IQUB: variants seen among roughly 807,000 people sequenced by gnomAD.
The protein encoded by IQUB is IQ motif and ubiquitin-like domain-containing protein.
A neutral mutation model predicts 86.4 loss-of-function variants in IQUB; 86 were observed. The observed-to-expected ratio is 1.00, with a 90% confidence interval of 0.84 to 1.19. The LOEUF (loss-of-function observed/expected upper bound fraction) is 1.19. Among genes scored for constraint, IQUB ranks in the 50% most tolerant of loss-of-function variants. IQUB has a pLI of 0.00. For missense variants in IQUB, 946 were observed against 916.9 expected, an observed-to-expected ratio of 1.03 and a Z score of -0.41; for synonymous variants, 289 against 304.5, an observed-to-expected ratio of 0.95 and a Z score of 0.53.
At chr7:123,506,956 C>T (rs1337962694) in intron 3 of IQUB, among the ~76,000 whole-genome samples, 2 of 152,118 alleles carry the variant, frequency 1.3e-5, no homozygotes, top group African/African-American at 4.8e-5. Context: ...CAGAAATTGA[C>T]TAATTTTCTT....
chr7:123,510,341 T>C (rs1796363652), intron 2 of IQUB, among the ~76,000 whole-genome samples: 1 of 152,056 alleles, frequency 6.6e-6, no homozygotes, highest in Non-Finnish European at 1.5e-5. Flanking sequence ...AATCACGCAT[T>C]TTTGCATAGT....
intron 9 of IQUB, among the ~76,000 whole-genome samples, chr7:123,466,163 T>C (rs1794252337): frequency 6.6e-6 from 1 of 152,130 alleles, no homozygotes; most frequent in Non-Finnish European, 1.5e-5. Flanking sequence ...TTCATAAATA[T>C]TAACTTATTT....
At chr7:123,482,286 G>A (rs146065694) in intron 7 of IQUB, among the ~76,000 whole-genome samples, 2,543 of 151,868 alleles carry the variant, frequency 0.017, 76 homozygotes, top group African/African-American at 0.058. Flanking sequence ...ACAGAGCCAA[G>A]TAAAAAAAAT....
chr7:123,512,290 T>G lies in IQUB; in HGVS notation c.51A>C (p.Thr17=). ...TATCAAAAGCATCATCACTCTCTTCTGTTGAATTGACTATATTCTGAGCTT... is the reference window on the plus strand; with the variant it reads ...TATCAAAAGCATCATCACTCTCTTCGGTTGAATTGACTATATTCTGAGCTT... ...KYEAQNIVNS[T]EESDDAFDTV... is the part of the protein sequence containing the mutation. Residue 17 remains threonine, a synonymous_variant, in exon 2 of 13, where the codon ACA becomes ACC. Coordinates refer to ENST00000324698, the MANE Select transcript of IQUB (RefSeq NM_178827.5). 6.2e-7 allele frequency: 1 copy of G among 1,608,730 alleles called. No individual in the cohort carries two copies. Among genetic ancestry groups the G allele is most frequent in the Non-Finnish European group, 8.5e-7 (1 of 1,175,722 alleles).
At position 123,455,413 on chromosome 7, in the gene IQUB, T is replaced by C. The variant is rs545153594; in HGVS notation, c.2193+1968A>G. On this transcript the variant is annotated intron_variant, in intron 12 of 12. Coordinates refer to ENST00000324698, the MANE Select transcript of IQUB (RefSeq NM_178827.5). ...TGAGACCTTTACTTTCTACATTACA[T>C]TTTTTATTCTGTTCAGATTCTAAGC... 5.1e-4 allele frequency among the ~76,000 whole-genome samples: 78 copies of C among 152,272 alleles called. No individual in the cohort carries two copies. In the South Asian group the frequency reaches 8.7e-3, roughly 17 times the overall value.
At chr7:123,493,180 C>G (rs1352494806) in intron 7 of IQUB, among the ~76,000 whole-genome samples, 1 of 152,084 alleles carries the variant, frequency 6.6e-6, no homozygotes, top group Admixed American at 6.6e-5. Flanking sequence ...TCCTCGTTGT[C>G]CCCCAAACAC....
At chr7:123,523,862 T>A (rs1447146298) in intron 1 of IQUB, among the ~76,000 whole-genome samples, 1 of 152,196 alleles carries the variant, frequency 6.6e-6, no homozygotes, top group Non-Finnish European at 1.5e-5. Context: ...CTTTAATCCA[T>A]CTTGAATTGA....
intron 1 of IQUB, among the ~76,000 whole-genome samples, chr7:123,526,255 T>C (rs1324980883): frequency 1.3e-4 from 20 of 152,268 alleles, no homozygotes; most frequent in African/African-American, 3.8e-4. Context: ...CCTGGGTATC[T>C]TTGTTGACTT....
intron 10 of IQUB, among the ~76,000 whole-genome samples, chr7:123,463,002 A>G (rs1381476329): frequency 1.3e-5 from 2 of 151,692 alleles, no homozygotes; most frequent in Non-Finnish European, 3.0e-5. Flanking sequence ...TATGCAAACT[A>G]AAAATGTGCA....
intron 6 of IQUB, among the ~76,000 whole-genome samples, chr7:123,497,899 T>C (rs2117176861): frequency 6.6e-6 from 1 of 151,758 alleles, no homozygotes; most frequent in East Asian, 1.9e-4. Flanking sequence ...CAAGGGGCTC[T>C]AGGACTGCTC....
chr7:123,467,607 G>A (rs775080159), intron 9 of IQUB, among the ~76,000 whole-genome samples: 3 of 152,028 alleles, frequency 2.0e-5, no homozygotes, highest in Non-Finnish European at 4.4e-5. Flanking sequence ...GGATCTACTG[G>A]GCCACCCAGC....
intron 1 of IQUB, among the ~76,000 whole-genome samples, chr7:123,525,366 C>A (rs1009119751): frequency 1.3e-5 from 2 of 152,122 alleles, no homozygotes; most frequent in Non-Finnish European, 2.9e-5. Flanking sequence ...TTGATTATTG[C>A]CACAATTTCA....
intron 8 of IQUB, among the ~76,000 whole-genome samples, chr7:123,477,885 C>A (rs1794817763): frequency 6.6e-6 from 1 of 152,140 alleles, no homozygotes. Context: ...ATCAAAACCA[C>A]AATGAGATAC....
At position 123,462,823 on chromosome 7, in the gene IQUB, C is replaced by T. The variant is rs764726640; in HGVS notation, c.1759-1218G>A. On this transcript the variant is annotated intron_variant, in intron 10 of 12. Transcript: ENST00000324698. ...TACTATAATGCCATGGAAAGATATTCTCCACCCATCTGAAATTGTGCAAGA... is the reference window on the plus strand; with the variant it reads ...TACTATAATGCCATGGAAAGATATTTTCCACCCATCTGAAATTGTGCAAGA... 6.4e-5 allele frequency: 29 copies of T among 455,190 alleles called. 2 individuals carry two copies. Among genetic ancestry groups the T allele is most frequent in the South Asian group, 4.5e-4 (29 of 64,402 alleles). 28.2% of individuals were successfully genotyped at this position (455,190 alleles called of 1,614,324 possible).
rs11763347 is a variant in IQUB, at chr7:123,479,651, A to G, written c.1410+144T>C. On this transcript the variant is annotated intron_variant, in intron 8 of 12. Transcript: ENST00000324698. ...ATCTAAAGCTATACCAGAAAAAAAT[A>G]AATCAAATTTTAAGAAATATGTCAT... 5,542 of 640,824 alleles carry G rather than the reference A, an allele frequency of 8.6e-3. 43 individuals carry two copies. The highest frequency in any genetic ancestry group is 0.012 in the Non-Finnish European group (4,640 of 387,896). The allele number at this position is 640,824 out of a possible 1,614,324, so 39.7% of individuals were successfully genotyped here.
At chr7:123,528,288 C>G (rs1460824202) in intron 1 of IQUB, among the ~76,000 whole-genome samples, 1 of 152,218 alleles carries the variant, frequency 6.6e-6, no homozygotes, top group Non-Finnish European at 1.5e-5. Context: ...GCGTCGCTCA[C>G]GCTGGGAGCT....
chr7:123,491,212 G>A lies in IQUB; in HGVS notation c.1234+5484C>T, dbSNP rs562506743. On this transcript the variant is annotated intron_variant, in intron 7 of 12. Coordinates refer to ENST00000324698, the MANE Select transcript of IQUB (RefSeq NM_178827.5). ...CATATCAAAATGTGAGGATGCAGCTGAAGCAGTACTTAAGGGAAAATTTAC... is the reference window on the plus strand; with the variant it reads ...CATATCAAAATGTGAGGATGCAGCTAAAGCAGTACTTAAGGGAAAATTTAC... Among the ~76,000 whole-genome samples, 175 of 152,234 alleles carry A rather than the reference G, an allele frequency of 1.1e-3. 1 individual carries two copies. Among genetic ancestry groups the A allele is most frequent in the Middle Eastern group, 3.4e-3 (1 of 294 alleles).
Position 123,455,210 on chromosome 7 carries a change from C to T in IQUB, c.2193+2171G>A, listed in dbSNP as rs537780110. Among the ~76,000 whole-genome samples, 6 of 152,008 alleles carry T rather than the reference C, an allele frequency of 3.9e-5. No homozygotes were observed. In the South Asian group the frequency reaches 1.3e-3, roughly 32 times the overall value. The stretch of plus-strand genomic sequence containing the variant: ...GAGTAATTAGCATATTCATCTCAAA[C>T]ATTTATCATTTCTTTGTGCTGGGAA... On this transcript the variant is annotated intron_variant, in intron 12 of 12. Coordinates refer to ENST00000324698, the MANE Select transcript of IQUB (RefSeq NM_178827.5).
intron 7 of IQUB, among the ~76,000 whole-genome samples, chr7:123,483,100 C>T (rs1251756792): frequency 4.6e-5 from 7 of 152,070 alleles, no homozygotes; most frequent in Non-Finnish European, 1.0e-4. Context: ...TATTGTGCCT[C>T]TCACATGTGG....
Sources: allele counts gnomAD v4.1 joint callset (sites outside exome capture counted in the v4.1 genomes callset), GRCh38; gene constraint gnomAD v4.1.1; transcripts MANE v1.5; gene names NCBI Gene and HGNC (gene_info 2026-07-23, HGNC 2026-07-21).